Variants in DGAT1 observed in about 807,000 individuals in gnomAD.
DGAT1 encodes ACAT related gene product 1.
A neutral mutation model predicts 72.6 loss-of-function variants in DGAT1; 60 were observed. The observed-to-expected ratio is 0.83, with a 90% CI of 0.67 to 1.02. DGAT1 has a LOEUF of 1.02. Ranked by LOEUF, DGAT1 falls within the 50% of genes least tolerant of loss-of-function variation. The pLI, the probability that DGAT1 is intolerant of heterozygous loss-of-function variation, is 0.00. For missense variants in DGAT1, 592 were observed against 670.0 expected, an observed-to-expected ratio of 0.88 and a Z score of 1.29; for synonymous variants, 290 against 267.5, an observed-to-expected ratio of 1.08 and a Z score of -0.82.
intron 1 of DGAT1, among the ~76,000 whole-genome samples, chr8:144,325,019 G>C (rs1398080434): frequency 6.6e-6 from 1 of 151,884 alleles, no homozygotes; most frequent in African/African-American, 2.4e-5. Flanking sequence ...AGCCAAGAAT[G>C]TGCCATTTTA....
In DGAT1 at chr8:144,326,475, G is replaced by C; in HGVS notation, c.162C>G (p.Asp54Glu). ...GGCCGCTGCCCACGCCGGCGTCTCCGTCCTTGTTGGGGGCCGGGGCTGGCG... is the reference window on the plus strand; with the variant it reads ...GGCCGCTGCCCACGCCGGCGTCTCCCTCCTTGTTGGGGGCCGGGGCTGGCG... The part of the protein sequence containing the change: ...GDAPAPAPNK[D>E]GDAGVGSGHW... Residue 54 changes from aspartate (D) to glutamate (E), a missense_variant, in exon 1 of 17, where the codon GAC becomes GAG. Coordinates refer to ENST00000528718, the MANE Select transcript of DGAT1 (RefSeq NM_012079.6). 1 of 1,331,768 alleles carries C rather than the reference G, an allele frequency of 7.5e-7. No individual in the cohort carries two copies. Among genetic ancestry groups the C allele is most frequent in the Non-Finnish European group, 9.7e-7 (1 of 1,033,024 alleles). 82.5% of individuals were successfully genotyped at this position (1,331,768 alleles called of 1,614,324 possible). A position where few individuals can be genotyped will look rare whatever the true frequency, so the allele number is the denominator to read the frequency against.
Position 144,318,130 on chromosome 8 carries a change from T to G in DGAT1, c.716A>C (p.His239Pro), listed in dbSNP as rs782161523. ...CAGATTGTCCGGGTAGCTCACGGTG[T>G]GCGGGGCAGCAGCACTGCTGGCCTT... ...GKKASSAAAPHTVSYPDNLTY... is the reference protein window; with the variant it reads ...GKKASSAAAPPTVSYPDNLTY... Residue 239 changes from histidine (H) to proline (P), a missense_variant, in exon 8 of 17, where the codon CAC becomes CCC. Physicochemically the swap from His to Pro is moderately conservative, Grantham distance 77. Coordinates refer to ENST00000528718, the MANE Select transcript of DGAT1 (RefSeq NM_012079.6). 9 of 1,553,770 alleles carry G rather than the reference T, an allele frequency of 5.8e-6. No individual in the cohort carries two copies. In the South Asian group the frequency reaches 9.7e-5, roughly 17 times the overall value.
intron 2 of DGAT1, among the ~76,000 whole-genome samples, chr8:144,320,059 A>G (rs189464458): frequency 2.1e-4 from 32 of 152,352 alleles, no homozygotes; most frequent in African/African-American, 7.5e-4. Context: ...CACGTGGCCC[A>G]CACTGTCACT....
At position 144,319,028 on chromosome 8, in the gene DGAT1, T is replaced by G; in HGVS notation, c.329A>C (p.Lys110Thr). 1 of 1,558,652 alleles carries G rather than the reference T, an allele frequency of 6.4e-7. No individual in the cohort carries two copies. Among genetic ancestry groups the G allele is most frequent in the Non-Finnish European group, 8.7e-7 (1 of 1,151,238 alleles). ...NARLFLENLI[K>T]YGILVDPIQV... ...GGTGGGACCTGGCAAAGGCACTCAC[T>G]TGATGAGGTTCTCCAGAAATAACCG... Residue 110 changes from lysine (K) to threonine (T), a missense_variant and splice_region_variant, in exon 3 of 17, where the codon AAG becomes ACG. Physicochemically the swap from Lys to Thr is moderately conservative, Grantham distance 78 (BLOSUM62 -1). Coordinates refer to ENST00000528718, the MANE Select transcript of DGAT1 (RefSeq NM_012079.6).
intron 15 of DGAT1, 41 bp downstream of exon 15, chr8:144,316,981 C>G: frequency 6.2e-7 from 1 of 1,610,940 alleles, no homozygotes; most frequent in Non-Finnish European, 8.5e-7. Context: ...TGGGCATACC[C>G]CTGCCCAGGG....
chr8:144,315,915 G>A lies in DGAT1; in HGVS notation c.*639C>T, dbSNP rs1160438692. 2.0e-6 allele frequency: 2 copies of A among 986,098 alleles called. No homozygotes were observed. Among genetic ancestry groups the A allele is most frequent in the South Asian group, 4.7e-5 (1 of 21,328 alleles). 61.1% of individuals were successfully genotyped at this position (986,098 alleles called of 1,614,324 possible). On this transcript the variant is annotated 3_prime_UTR_variant, in exon 17 of 17. Transcript: ENST00000528718. ...CCACACCAGAAAGGCCCTGTGGACT[G>A]CCCATCCCTGGGCCATCCTGGCTGG...
rs1395990904 is a variant in DGAT1, at chr8:144,326,570, C to T, written c.67G>A (p.Gly23Arg). ...GSRPSSHGGG[G>R]PAAAEEEVRD... is the part of the protein sequence containing the mutation. ...ACCTCCTCTTCCGCCGCCGCAGGCC[C>T]GCCGCCGCCGTGGCTCGAGGGCCGC... The change falls in exon 1 of 17, where the codon GGG (glycine) becomes AGG (arginine). Residue 23 changes from glycine (G) to arginine (R), a missense_variant. Physicochemically the swap from Gly to Arg is moderately radical, Grantham distance 125 (BLOSUM62 -2). Transcript: ENST00000528718. 8.0e-7 allele frequency: 1 copy of T among 1,248,538 alleles called. No homozygotes were observed. The highest frequency in any genetic ancestry group is 1.6e-5 in the African/African-American group (1 of 63,920). 77.3% of individuals were successfully genotyped at this position (1,248,538 alleles called of 1,614,324 possible).
intron 1 of DGAT1, among the ~76,000 whole-genome samples, chr8:144,321,886 G>C (rs899641534): frequency 6.6e-6 from 1 of 152,234 alleles, no homozygotes; most frequent in South Asian, 2.1e-4. Flanking sequence ...GGGAGCTAAG[G>C]GGTCCCCACA....
rs2130497832 is a variant in DGAT1 at position 144,314,850 on chromosome 8, T to C, written c.*1704A>G. 1 of 958,912 alleles carries C rather than the reference T, an allele frequency of 1.0e-6. No individual in the cohort carries two copies. Among genetic ancestry groups the C allele is most frequent in the African/African-American group, 1.8e-5 (1 of 56,724 alleles). The allele number at this position is 958,912 out of a possible 1,614,324, so 59.4% of individuals were successfully genotyped here. On this transcript the variant is annotated 3_prime_UTR_variant, in exon 17 of 17. Coordinates refer to ENST00000528718, the MANE Select transcript of DGAT1 (RefSeq NM_012079.6). The stretch of plus-strand genomic sequence containing the variant: ...GGGAAGACGGATGCTTGCAGCTAGC[T>C]CCGTGCCTGCCCGACTCCCCAGGAC...
rs782659721 is a variant in DGAT1 at position 144,321,301 on chromosome 8, C to T, written c.288+20G>A. 1.3e-5 allele frequency: 21 copies of T among 1,612,254 alleles called. No individual in the cohort carries two copies. Among genetic ancestry groups the T allele is most frequent in the East Asian group, 2.2e-5 (1 of 44,886 alleles). ...CCCCACCTGGACCTAGACCCGCTCCCGACACCATGTCCCACTCACCAGCAT... is the reference window on the plus strand; with the variant it reads ...CCCCACCTGGACCTAGACCCGCTCCTGACACCATGTCCCACTCACCAGCAT... On this transcript the variant is annotated intron_variant, in intron 2 of 16. Coordinates refer to ENST00000528718, the MANE Select transcript of DGAT1 (RefSeq NM_012079.6).
intron 1 of DGAT1, among the ~76,000 whole-genome samples, chr8:144,323,036 GCTGT>G (rs1203058579): frequency 6.6e-6 from 1 of 152,204 alleles, no homozygotes; most frequent in Admixed American, 6.5e-5. Flanking sequence ...GCCTCTCTGG[GCTGT>G]CTGTCTGGGG....
At position 144,318,495 on chromosome 8, in the gene DGAT1, C is replaced by T. The variant is rs375597889; in HGVS notation, c.540G>A (p.Ala180=). The T allele has an allele frequency of 2.2e-5, 36 of 1,611,442 alleles. No individual in the cohort carries two copies. The highest frequency in any genetic ancestry group is 2.7e-5 in the African/African-American group (2 of 74,890). ...ANLATILCFP[A]AVVLLVESIT... ...TAGACTCAACCAGTAAGACCACAGC[C>T]GCTGGGAAACACAGAATGGTGGCCA... Residue 180 remains alanine, a synonymous_variant, in exon 6 of 17, where the codon GCG becomes GCA. Transcript: ENST00000528718.
chr8:144,318,911 G>A lies in DGAT1; in HGVS notation c.339C>T (p.Ile113=), dbSNP rs782754353. 6.7e-6 allele frequency: 10 copies of A among 1,497,458 alleles called. No homozygotes were observed. The African/African-American group carries it at 1.3e-4, about 19-fold the overall frequency. The allele number at this position is 1,497,458 out of a possible 1,614,324, so 92.8% of individuals were successfully genotyped here. Residue 113 remains isoleucine, a synonymous_variant, in exon 4 of 17, where the codon ATC becomes ATT. Transcript: ENST00000528718. ...LFLENLIKYG[I]LVDPIQVVSL... ...AAACCACCTGGATGGGGTCCACCAG[G>A]ATGCCATACCTGGGGGTGGAGGGAT...
rs1554847351 is a variant in DGAT1 at position 144,317,619 on chromosome 8, C to T, written c.937-31G>A. On this transcript the variant is annotated intron_variant, in intron 11 of 16. Transcript: ENST00000528718. Reference sequence around the variant, plus strand: ...GAAACAAGCCCTTCAGCTAGCCATGCTCCTGGTCACTCCCCAGCCACCCCA... The same window carrying T: ...GAAACAAGCCCTTCAGCTAGCCATGTTCCTGGTCACTCCCCAGCCACCCCA... The T allele has an allele frequency of 7.4e-6, 12 of 1,613,978 alleles. No individual in the cohort carries two copies. The South Asian group carries it at 1.1e-4, about 15-fold the overall frequency.
At position 144,319,089 on chromosome 8, in the gene DGAT1, G is replaced by A. The variant is rs888959334; in HGVS notation, c.289-21C>T. 9.7e-6 allele frequency: 15 copies of A among 1,551,922 alleles called. No individual in the cohort carries two copies. The East Asian group carries it at 1.2e-4, about 13-fold the overall frequency. Reference sequence around the variant, plus strand: ...AAGATCTGCGAGGGATGGACAGGAGGGTGCAGCCCCTTTAGTCCTGGCCAC... The same window carrying A: ...AAGATCTGCGAGGGATGGACAGGAGAGTGCAGCCCCTTTAGTCCTGGCCAC... On this transcript the variant is annotated intron_variant, in intron 2 of 16. Transcript: ENST00000528718.
At position 144,318,506 on chromosome 8, in the gene DGAT1, A is replaced by G. The variant is rs372303345; in HGVS notation, c.529T>C (p.Cys177Arg). The change falls in exon 6 of 17, where the codon TGT (cysteine) becomes CGT (arginine). Residue 177 changes from cysteine to arginine, a missense_variant. Transcript: ENST00000528718. ...LHVANLATIL[C>R]FPAAVVLLVE... ...AGTAAGACCACAGCCGCTGGGAAAC[A>G]CAGAATGGTGGCCAGGTTGGCCACG... The G allele has an allele frequency of 6.2e-7, 1 of 1,611,760 alleles. No individual in the cohort carries two copies. Among genetic ancestry groups the G allele is most frequent in the African/African-American group, 1.3e-5 (1 of 74,916 alleles).
chr8:144,319,025 CACTT>C lies in DGAT1; in HGVS notation c.328_329+2del. 1 of 1,558,790 alleles carries C rather than the reference CACTT, an allele frequency of 6.4e-7. No individual in the cohort carries two copies. The highest frequency in any genetic ancestry group is 8.7e-7 in the Non-Finnish European group (1 of 1,151,298). On this transcript the variant is annotated splice_donor_variant and coding_sequence_variant, in exon 3 of 17. Coordinates refer to ENST00000528718, the MANE Select transcript of DGAT1 (RefSeq NM_012079.6). LOFTEE classifies it high-confidence loss of function. The stretch of plus-strand genomic sequence containing the variant: ...AGGGGTGGGACCTGGCAAAGGCACT[CACTT>C]GATGAGGTTCTCCAGAAATAACCGG...
At chr8:144,323,664 G>A (rs1362845602) in intron 1 of DGAT1, among the ~76,000 whole-genome samples, 2 of 152,142 alleles carry the variant, frequency 1.3e-5, no homozygotes, top group African/African-American at 4.8e-5. Context: ...AAGAAGACTC[G>A]GAGCAGCCTG....
At chr8:144,322,654 T>C (rs897891367) in intron 1 of DGAT1, among the ~76,000 whole-genome samples, 1 of 152,084 alleles carries the variant, frequency 6.6e-6, no homozygotes, top group Admixed American at 6.5e-5. Context: ...ACCTACACAG[T>C]TCCTGGACAA....
Sources: gnomAD v4.1 joint callset for allele counts (sites outside exome capture counted in the v4.1 genomes callset) on GRCh38, gnomAD v4.1.1 for gene constraint, MANE v1.5 for transcripts, NCBI Gene and HGNC (gene_info 2026-07-23, HGNC 2026-07-21) for gene names.